The following BDP1 variants were observed in gnomAD, a reference collection of about 807,000 sequenced individuals.
BDP1 encodes BDP1 general transcription factor IIIB subunit.
BDP1 carries 169 observed loss-of-function variants against 266.6 expected under a neutral mutation model. The observed-to-expected ratio is 0.63, with a 90% CI of 0.56 to 0.72. The LOEUF (loss-of-function observed/expected upper bound fraction) is 0.72, where lower values mean the gene tolerates loss of function less well. Among genes scored for constraint, BDP1 ranks in the 30% least tolerant of loss-of-function variants. The pLI, the probability that BDP1 is intolerant of heterozygous loss-of-function variation, is 0.00. For synonymous variants in BDP1, 1,090 were observed against 1,022.4 expected, an observed-to-expected ratio of 1.07 and a Z score of -1.26; for missense variants, 3,015 against 3,053.8, an observed-to-expected ratio of 0.99 and a Z score of 0.30.
At chr5:71,525,066 C>T (rs1765718524) in intron 25 of BDP1, among the ~76,000 whole-genome samples, 2 of 152,206 alleles carry the variant, frequency 1.3e-5, no homozygotes, top group East Asian at 3.9e-4. Context: ...CATCCGATTT[C>T]TCAATCTTTT....
chr5:71,538,867 A>G (rs533321116), intron 26 of BDP1, among the ~76,000 whole-genome samples, 175 bp from the exon 27 acceptor site: 1 of 152,328 alleles, frequency 6.6e-6, no homozygotes, highest in Non-Finnish European at 1.5e-5. Context: ...TTTTGCCTTT[A>G]AATTGTTTAT....
chr5:71,573,049 T>G, the BDP1 span, among the ~76,000 whole-genome samples: 1 of 152,108 alleles, frequency 6.6e-6, no homozygotes, highest in East Asian at 1.9e-4. Flanking sequence ...GGCAACATGG[T>G]GAAACCCTGT....
At chr5:71,481,842 C>T (rs1479342824) in intron 7 of BDP1, among the ~76,000 whole-genome samples, 3 of 152,138 alleles carry the variant, frequency 2.0e-5, no homozygotes, top group Non-Finnish European at 4.4e-5. Context: ...TATACTAATA[C>T]TATACTATTA....
At chr5:71,477,579 A>G (rs1411460747) in intron 7 of BDP1, among the ~76,000 whole-genome samples, 1 of 151,934 alleles carries the variant, frequency 6.6e-6, no homozygotes, top group African/African-American at 2.4e-5. Context: ...TAATATTAAA[A>G]ATTTTTTTTA....
At chr5:71,481,190 A>G (rs899585137) in intron 7 of BDP1, among the ~76,000 whole-genome samples, 1 of 151,662 alleles carries the variant, frequency 6.6e-6, no homozygotes, top group African/African-American at 2.4e-5. Context: ...AAAAAATGAA[A>G]TCACATACCA....
At chr5:71,496,307 A>G (rs1016003636) in intron 12 of BDP1, among the ~76,000 whole-genome samples, 2 of 152,086 alleles carry the variant, frequency 1.3e-5, no homozygotes, top group Admixed American at 6.6e-5. Flanking sequence ...GTACTGTCAC[A>G]ATGGAAATCA....
chr5:71,525,314 G>A (rs1765742605), intron 25 of BDP1, among the ~76,000 whole-genome samples: 1 of 136,742 alleles, frequency 7.3e-6, no homozygotes. Context: ...GGGCAGAGGG[G>A]CTCCTCACTT....
intron 37 of BDP1, among the ~76,000 whole-genome samples, chr5:71,561,668 T>C (rs1019058251): frequency 1.3e-5 from 2 of 152,134 alleles, no homozygotes; most frequent in Non-Finnish European, 2.9e-5. Context: ...GCATGTGGCC[T>C]GTAGAGCATA....
At chr5:71,463,162 A>G (rs762190058) in intron 3 of BDP1, among the ~76,000 whole-genome samples, 4 of 152,194 alleles carry the variant, frequency 2.6e-5, no homozygotes, top group Non-Finnish European at 5.9e-5. Flanking sequence ...TTAACATACT[A>G]TAAACTGATC....
intron 7 of BDP1, among the ~76,000 whole-genome samples, chr5:71,471,212 G>A (rs542016385): frequency 3.5e-5 from 5 of 143,208 alleles, no homozygotes; most frequent in Admixed American, 7.4e-5. Context: ...GTGCGATATC[G>A]GCTCACTGCA....
intron 7 of BDP1, among the ~76,000 whole-genome samples, chr5:71,472,290 G>A (rs977537679): frequency 3.3e-5 from 5 of 152,110 alleles, no homozygotes; most frequent in Admixed American, 2.0e-4. Flanking sequence ...GTGAAACCCC[G>A]TCTCTACTAA....
chr5:71,563,734 A>G (rs1408932250), intron 38 of BDP1, among the ~76,000 whole-genome samples: 4 of 152,144 alleles, frequency 2.6e-5, no homozygotes, highest in Non-Finnish European at 1.5e-5. Context: ...CCAACATGGC[A>G]AAACCCCATC....
chr5:71,513,485 G>T, intron 19 of BDP1, 78 bp downstream of exon 19: 1 of 828,458 alleles, frequency 1.2e-6, no homozygotes, highest in South Asian at 1.9e-5. Context: ...AAAAGCACCT[G>T]GCATTAAAAT....
At position 71,515,082 on chromosome 5, in the gene BDP1, T is replaced by G; in HGVS notation, c.4609T>G (p.Ser1537Ala). ...NSCEPKEESQ[S>A]APVQKNDSVV... ...TTGTGAACCTAAAGAGGAGTCTCAG[T>G]CAGCACCAGTCCAGAAAAATGACTC... The change falls in exon 20 of 39, where the codon TCA becomes GCA. Residue 1537 changes from serine (S) to alanine (A), a missense_variant. Physicochemically the swap from Ser to Ala is moderately conservative, Grantham distance 99 (BLOSUM62 1). Coordinates refer to ENST00000358731, the MANE Select transcript of BDP1 (RefSeq NM_018429.3). 1 of 1,609,732 alleles carries G rather than the reference T, an allele frequency of 6.2e-7. No homozygotes were observed. Among genetic ancestry groups the G allele is most frequent in the Non-Finnish European group, 8.5e-7 (1 of 1,178,718 alleles).
intron 25 of BDP1, among the ~76,000 whole-genome samples, chr5:71,531,931 T>A (rs1056884514): frequency 3.3e-5 from 5 of 152,220 alleles, no homozygotes; most frequent in African/African-American, 1.2e-4. Flanking sequence ...GGACTACACT[T>A]ATCTTATTTG....
intron 36 of BDP1, 81 bp downstream of exon 36, chr5:71,557,006 A>T (rs1743262557): frequency 1.6e-5 from 11 of 683,442 alleles, no homozygotes; most frequent in Non-Finnish European, 2.5e-5. Context: ...CAAATATGAG[A>T]TTGAAACTGA....
At position 71,497,256 on chromosome 5, in the gene BDP1, T is replaced by C; in HGVS notation, c.1800-14T>C. On this transcript the variant is annotated splice_polypyrimidine_tract_variant and intron_variant, in intron 12 of 38. Coordinates refer to ENST00000358731, the MANE Select transcript of BDP1 (RefSeq NM_018429.3). ...TGCATGTTTGATGCTATTTAAATAA[T>C]GTTAATTTTTCAGGGAAATTGATCA... The C allele has an allele frequency of 6.2e-7, 1 of 1,610,008 alleles. No individual in the cohort carries two copies. The highest frequency in any genetic ancestry group is 8.5e-7 in the Non-Finnish European group (1 of 1,177,358).
At position 71,553,235 on chromosome 5, in the gene BDP1, G is replaced by T. The variant is rs1447502723; in HGVS notation, c.7115G>T (p.Cys2372Phe). The change falls in exon 35 of 39, where the codon TGC becomes TTC. Residue 2372 changes from cysteine to phenylalanine, a missense_variant. Coordinates refer to ENST00000358731, the MANE Select transcript of BDP1 (RefSeq NM_018429.3). The part of the protein sequence containing the change: ...LDLVSRKRFQ[C>F]RLDKNDHIPP... ...CTTGTATCTAGGAAGAGATTTCAAT[G>T]CAGGCTTGATAAAAATGACCACATT... 3 of 1,613,264 alleles carry T rather than the reference G, an allele frequency of 1.9e-6. No individual in the cohort carries two copies. Among genetic ancestry groups the T allele is most frequent in the Admixed American group, 1.7e-5 (1 of 59,988 alleles).
Position 71,525,054 on chromosome 5 carries a change from A to C in BDP1, c.5772+731A>C, listed in dbSNP as rs1765717504. On this transcript the variant is annotated intron_variant, in intron 25 of 38. Transcript: ENST00000358731. Reference sequence around the variant, plus strand: ...TACCTCTTTCTACACAGACACGGCAACCATCCGATTTCTCAATCTTTTCCC... The same window carrying C: ...TACCTCTTTCTACACAGACACGGCACCCATCCGATTTCTCAATCTTTTCCC... 2.0e-5 allele frequency among the ~76,000 whole-genome samples: 3 copies of C among 152,248 alleles called. No individual in the cohort carries two copies. The South Asian group carries it at 6.2e-4, about 32-fold the overall frequency.
Sources: allele counts gnomAD v4.1 joint callset (sites outside exome capture counted in the v4.1 genomes callset), GRCh38; gene constraint gnomAD v4.1.1; transcripts MANE v1.5; gene names NCBI Gene and HGNC (gene_info 2026-07-23, HGNC 2026-07-21).